The following NUSAP1 variants were observed in gnomAD, a reference collection of about 807,000 sequenced individuals.
The protein encoded by NUSAP1 is nucleolar and spindle associated protein 1, also known as nucleolar and spindle-associated protein 1.
A neutral mutation model predicts 52.8 loss-of-function variants in NUSAP1; 32 were observed. That is an observed-to-expected ratio of 0.61 (90% CI 0.46 to 0.81). The LOEUF is 0.81. Among genes scored for constraint, NUSAP1 ranks in the 40% least tolerant of loss-of-function variants. The pLI is 0.00. For missense variants in NUSAP1, 499 were observed against 522.3 expected (o/e 0.96, Z 0.43); for synonymous variants, 195 against 183.1 (o/e 1.06, Z -0.52).
At chr15:41,375,876 T>G in intron 9 of NUSAP1, 48 bp downstream of exon 9, 1 of 1,333,790 alleles carries the variant, frequency 7.5e-7, no homozygotes. Context: ...TACTTAAGAT[T>G]GGTGGGACGC....
Position 41,356,094 on chromosome 15 carries a change from G to T in NUSAP1, c.504G>T (p.Glu168Asp). 1 of 1,609,106 alleles carries T rather than the reference G, an allele frequency of 6.2e-7. No homozygotes were observed. The highest frequency in any genetic ancestry group is 8.5e-7 in the Non-Finnish European group (1 of 1,177,792). The change falls in exon 5 of 11, where the codon GAG (glutamate) becomes GAT (aspartate). Residue 168 changes from glutamate to aspartate, a missense_variant. Glu to Asp is a conservative substitution (Grantham distance 45). Coordinates refer to ENST00000559596, the MANE Select transcript of NUSAP1 (RefSeq NM_016359.5). ...GAAAGAAATCTCTCTACACAGATGAGTCATCCAAACCTGGAAAAAATAAAA... is the reference window on the plus strand; with the variant it reads ...GAAAGAAATCTCTCTACACAGATGATTCATCCAAACCTGGAAAAAATAAAA... Reference protein sequence around the residue: ...SEGKKSLYTDESSKPGKNKRT... With the variant: ...SEGKKSLYTDDSSKPGKNKRT...
intron 2 of NUSAP1, among the ~76,000 whole-genome samples, chr15:41,346,684 G>A (rs949040998): frequency 9.2e-5 from 14 of 151,434 alleles, no homozygotes; most frequent in South Asian, 4.2e-4. Flanking sequence ...AAAATTAGCC[G>A]GGTGTGGTGG....
chr15:41,345,523 G>T (rs992231465), intron 2 of NUSAP1: 1 of 404,448 alleles, frequency 2.5e-6, no homozygotes, highest in African/African-American at 2.2e-5. Context: ...GCAATGACAC[G>T]ATCTCGGCTC....
chr15:41,370,849 G>A (rs2049651892), intron 7 of NUSAP1, among the ~76,000 whole-genome samples: 1 of 151,978 alleles, frequency 6.6e-6, no homozygotes, highest in Admixed American at 6.6e-5. Context: ...TTGAGCCTAG[G>A]AGGCAGAGGT....
In NUSAP1 at chr15:41,365,508, G is replaced by A. The variant is rs772299508; in HGVS notation, c.767G>A (p.Cys256Tyr). ...ISQRRSQGRSCGPASQSTLGL... is the reference protein window; with the variant it reads ...ISQRRSQGRSYGPASQSTLGL... ...CAACGACGCTCGCAAGGCCGGTCTTGTGGCCCTGCAAGTCAGAGTACCTTG... is the reference window on the plus strand; with the variant it reads ...CAACGACGCTCGCAAGGCCGGTCTTATGGCCCTGCAAGTCAGAGTACCTTG... Residue 256 changes from cysteine to tyrosine, a missense_variant, in exon 7 of 11, where the codon TGT becomes TAT. Coordinates refer to ENST00000559596, the MANE Select transcript of NUSAP1 (RefSeq NM_016359.5). The A allele has an allele frequency of 6.8e-6, 11 of 1,612,864 alleles. No homozygotes were observed. In the South Asian group the frequency reaches 1.2e-4, roughly 18 times the overall value.
chr15:41,364,375 G>A (rs1264810395), intron 6 of NUSAP1, among the ~76,000 whole-genome samples: 3 of 151,644 alleles, frequency 2.0e-5, no homozygotes, highest in East Asian at 1.9e-4. Flanking sequence ...GTGAAACCCC[G>A]TCTCTACTAA....
intron 1 of NUSAP1, among the ~76,000 whole-genome samples, chr15:41,338,977 T>A (rs7178360): frequency 0.21 from 32,196 of 151,106 alleles, 3,677 homozygotes; most frequent in Non-Finnish European, 0.25. Flanking sequence ...AAAAAAAAAA[T>A]AAACTTAGAA....
intron 10 of NUSAP1, among the ~76,000 whole-genome samples, chr15:41,377,742 C>T (rs1404955479): frequency 6.7e-6 from 1 of 149,740 alleles, no homozygotes; most frequent in African/African-American, 2.5e-5. Context: ...CGGTGGCTCA[C>T]GCCTGTAATC....
At chr15:41,378,266 CT>C (rs1485207055) in intron 10 of NUSAP1, among the ~76,000 whole-genome samples, 1 of 152,164 alleles carries the variant, frequency 6.6e-6, no homozygotes, top group East Asian at 1.9e-4. Flanking sequence ...TTCCTCACTC[CT>C]AAGAAAACCA....
At chr15:41,360,748 C>T (rs2049140847) in intron 6 of NUSAP1, among the ~76,000 whole-genome samples, 1 of 151,932 alleles carries the variant, frequency 6.6e-6, no homozygotes, top group Admixed American at 6.6e-5. Flanking sequence ...TGAGCCACCA[C>T]TCCTGTCCTC....
At chr15:41,352,736 T>G (rs1010179900) in intron 4 of NUSAP1, among the ~76,000 whole-genome samples, 9 of 152,060 alleles carry the variant, frequency 5.9e-5, no homozygotes, top group Non-Finnish European at 1.0e-4. Context: ...TTTGTATTTT[T>G]AGTAGAGACA....
chr15:41,365,431 G>A lies in NUSAP1; in HGVS notation c.690G>A (p.Arg230=), dbSNP rs779331440. The change falls in exon 7 of 11, where the codon AGG becomes AGA. Residue 230 remains arginine, a synonymous_variant. Transcript: ENST00000559596. ...AGCCCATCAATAAGGGAGGGGTCAG[G>A]ACTCCAGTACCTCCAAGAGGAAGAC... The part of the protein sequence containing the change: ...KQQPINKGGV[R]TPVPPRGRLS... 8 of 1,612,364 alleles carry A rather than the reference G, an allele frequency of 5.0e-6. No individual in the cohort carries two copies. Among genetic ancestry groups the A allele is most frequent in the Non-Finnish European group, 6.8e-6 (8 of 1,179,080 alleles).
At position 41,365,474 on chromosome 15, in the gene NUSAP1, C is replaced by G. The variant is rs1194499099; in HGVS notation, c.733C>G (p.Pro245Ala). The G allele has an allele frequency of 6.2e-7, 1 of 1,612,858 alleles. No individual in the cohort carries two copies. The highest frequency in any genetic ancestry group is 1.7e-5 in the Admixed American group (1 of 59,828). Residue 245 changes from proline to alanine, a missense_variant, in exon 7 of 11, where the codon CCC (proline) becomes GCC (alanine). Pro to Ala is a conservative substitution (Grantham distance 27). Transcript: ENST00000559596. Reference sequence around the variant, plus strand: ...AGGAAGACTCTCTGTGGCTTCTACTCCCATCAGCCAACGACGCTCGCAAGG... The same window carrying G: ...AGGAAGACTCTCTGTGGCTTCTACTGCCATCAGCCAACGACGCTCGCAAGG... ...PRGRLSVAST[P>A]ISQRRSQGRS...
At chr15:41,377,059 C>T (rs981201995) in intron 9 of NUSAP1, 137 bp from the exon 10 acceptor site, 5 of 548,622 alleles carry the variant, frequency 9.1e-6, no homozygotes, top group African/African-American at 3.9e-5. Context: ...CCAAACTGAG[C>T]GACAGAGTGA....
In NUSAP1 at chr15:41,379,805, C is replaced by CTTA. The variant is rs2050136440; in HGVS notation, c.1233-287_1233-286insTAT. ...CAAGTGATCTGCCTGCCTTGGCCTC[C>CTTA]TAACGTGCTGGGATTTCAGGCATGA... is the stretch of plus-strand genomic sequence containing the variant. On this transcript the variant is annotated intron_variant, in intron 10 of 10. Transcript: ENST00000559596. Among the ~76,000 whole-genome samples the CTTA allele has an allele frequency of 2.0e-5, 3 of 152,268 alleles. No homozygotes were observed. The South Asian group carries it at 6.2e-4, about 31-fold the overall frequency.
chr15:41,336,292 TAATA>T (rs1307748399), intron 1 of NUSAP1, among the ~76,000 whole-genome samples: 1 of 150,338 alleles, frequency 6.7e-6, no homozygotes, highest in Non-Finnish European at 1.5e-5. Flanking sequence ...ATAATAATAA[TAATA>T]AATATATAGG....
In NUSAP1 at chr15:41,356,097, A is replaced by G. The variant is rs373518124; in HGVS notation, c.507A>G (p.Ser169=). 6.2e-7 allele frequency: 1 copy of G among 1,608,940 alleles called. No homozygotes were observed. The highest frequency in any genetic ancestry group is 1.3e-5 in the African/African-American group (1 of 74,886). The change falls in exon 5 of 11, where the codon TCA becomes TCG. Residue 169 remains serine, a synonymous_variant. Coordinates refer to ENST00000559596, the MANE Select transcript of NUSAP1 (RefSeq NM_016359.5). The part of the protein sequence containing the change: ...EGKKSLYTDE[S]SKPGKNKRTA... ...AGAAATCTCTCTACACAGATGAGTC[A>G]TCCAAACCTGGAAAAAATAAAAGAA...
rs751147665 is a variant in NUSAP1, at chr15:41,365,357, A to G, written c.661-45A>G. ...TTTTTAGTAGAGATGGGGTTTCACC[A>G]TGTTGGAGAGGCCAAGCTTTTAAAA... On this transcript the variant is annotated intron_variant, in intron 6 of 10. Transcript: ENST00000559596. The G allele has an allele frequency of 4.0e-6, 6 of 1,503,028 alleles. No homozygotes were observed. The South Asian group carries it at 7.3e-5, about 18-fold the overall frequency. 93.1% of individuals were successfully genotyped at this position (1,503,028 alleles called of 1,614,324 possible). A position where few individuals can be genotyped will look rare whatever the true frequency, so the allele number is the denominator to read the frequency against.
In NUSAP1 at chr15:41,365,416, T is replaced by A; in HGVS notation, c.675T>A (p.Asn225Lys). ...TTTCTCTTCAGCAGCAGCCCATCAATAAGGGAGGGGTCAGGACTCCAGTAC... is the reference window on the plus strand; with the variant it reads ...TTTCTCTTCAGCAGCAGCCCATCAAAAAGGGAGGGGTCAGGACTCCAGTAC... ...SMNELKQQPI[N>K]KGGVRTPVPP... Residue 225 changes from asparagine (N) to lysine (K), a missense_variant, in exon 7 of 11, where the codon AAT (asparagine) becomes AAA (lysine). Transcript: ENST00000559596. The A allele has an allele frequency of 6.2e-7, 1 of 1,607,660 alleles. No homozygotes were observed. Among genetic ancestry groups the A allele is most frequent in the Non-Finnish European group, 8.5e-7 (1 of 1,176,130 alleles).
Sources: allele counts gnomAD v4.1 joint callset (sites outside exome capture counted in the v4.1 genomes callset), GRCh38; gene constraint gnomAD v4.1.1; transcripts MANE v1.5; gene names NCBI Gene and HGNC (gene_info 2026-07-23, HGNC 2026-07-21).